Variants in SMIM36 observed in about 807,000 individuals in gnomAD.
The protein encoded by SMIM36 is small integral membrane protein 36.
chr17:55,467,309 G>A (rs9903218), exon 4 of SMIM36: 80,034 of 152,010 alleles, frequency 0.53, 23,342 homozygotes, highest in Non-Finnish European at 0.67. Flanking sequence ...ATTTCTATTG[G>A]GGCCAGTCAG....
intron 1 of SMIM36, among the ~76,000 whole-genome samples, chr17:55,489,482 C>T (rs1272672441): frequency 6.6e-6 from 1 of 152,212 alleles, no homozygotes. Flanking sequence ...GAAGCAGCCA[C>T]TTATAAAAGT....
rs182216712 is a variant in SMIM36, at chr17:55,508,316, T to G, written c.*174+2563A>C. Among the ~76,000 whole-genome samples the G allele has an allele frequency of 2.2e-4, 33 of 151,658 alleles. No homozygotes were observed. The East Asian group carries it at 5.2e-3, about 24-fold the overall frequency. Reference sequence around the variant, plus strand: ...GAGTGCAAAACGCAATAAAAAGGTGTCAGTATTTGTCCTGAAAACAAACAA... The same window carrying G: ...GAGTGCAAAACGCAATAAAAAGGTGGCAGTATTTGTCCTGAAAACAAACAA... On this transcript the variant is annotated intron_variant, in intron 1 of 4. Coordinates refer to ENST00000636752, the Ensembl canonical transcript of SMIM36.
chr17:55,490,640 T>G (rs1261828244), intron 1 of SMIM36, among the ~76,000 whole-genome samples: 2 of 152,172 alleles, frequency 1.3e-5, no homozygotes, highest in African/African-American at 4.8e-5. Context: ...ATTTGTTCTT[T>G]CCTACTTCAA....
At chr17:55,470,730 C>T (rs762117375) in intron 3 of SMIM36, among the ~76,000 whole-genome samples, 5 of 152,162 alleles carry the variant, frequency 3.3e-5, no homozygotes, top group South Asian at 2.1e-4. Context: ...TACCTTAATC[C>T]GCAAGTATGG....
At chr17:55,524,775 C>T in the SMIM36 span, among the ~76,000 whole-genome samples, 260 of 152,260 alleles carry the variant, frequency 1.7e-3, 1 homozygote, top group Admixed American at 3.1e-3. Flanking sequence ...AAAAAGTGCC[C>T]TATTACTAGT....
chr17:55,474,122 A>T (rs1310318371), intron 3 of SMIM36, among the ~76,000 whole-genome samples: 1 of 152,204 alleles, frequency 6.6e-6, no homozygotes, highest in Non-Finnish European at 1.5e-5. Flanking sequence ...TTGCTCACTC[A>T]GGGAGCTTGG....
chr17:55,459,941 T>C (rs1468654111), intron 4 of SMIM36, among the ~76,000 whole-genome samples: 1 of 152,068 alleles, frequency 6.6e-6, no homozygotes, highest in Non-Finnish European at 1.5e-5. Flanking sequence ...TGTAGTAAGC[T>C]ATGATAGCAC....
intron 1 of SMIM36, among the ~76,000 whole-genome samples, chr17:55,496,057 C>T (rs559021846): frequency 5.3e-5 from 8 of 152,288 alleles, no homozygotes; most frequent in South Asian, 4.1e-4. Flanking sequence ...TCTCCCTCCC[C>T]GAGTGGCAAA....
At chr17:55,488,161 C>T (rs1237527135) in intron 1 of SMIM36, among the ~76,000 whole-genome samples, 1 of 152,264 alleles carries the variant, frequency 6.6e-6, no homozygotes, top group African/African-American at 2.4e-5. Flanking sequence ...CAAAGTCAGT[C>T]TCCTGAGTCA....
chr17:55,517,236 G>A, the SMIM36 span, among the ~76,000 whole-genome samples: 1 of 152,182 alleles, frequency 6.6e-6, no homozygotes, highest in Admixed American at 6.5e-5. Flanking sequence ...CTAAGACTCT[G>A]AAATAGGATT....
chr17:55,512,504 T>A (rs138381123), upstream of SMIM36, among the ~76,000 whole-genome samples: 1,084 of 152,274 alleles, frequency 7.1e-3, 15 homozygotes, highest in African/African-American at 0.025. Context: ...ACAAGCAAAT[T>A]GAGAGGAAGA....
At chr17:55,486,612 G>A (rs8075367) in intron 1 of SMIM36, among the ~76,000 whole-genome samples, 34,195 of 152,052 alleles carry the variant, frequency 0.22, 4,305 homozygotes, top group Non-Finnish European at 0.28. Flanking sequence ...GCACTCAGGT[G>A]ATTTTGATGT....
At chr17:55,514,148 C>G (rs1239684519), upstream of SMIM36, among the ~76,000 whole-genome samples, 2 of 152,050 alleles carry the variant, frequency 1.3e-5, no homozygotes, top group Non-Finnish European at 2.9e-5. Context: ...GCTAACCTCA[C>G]CCATCTTTCC....
At chr17:55,529,173 CCTT>C in the SMIM36 span, among the ~76,000 whole-genome samples, 3 of 152,210 alleles carry the variant, frequency 2.0e-5, no homozygotes, top group Admixed American at 6.5e-5. Flanking sequence ...ACAGAACTAT[CCTT>C]CTCAGGTTTC....
chr17:55,526,593 T>C, the SMIM36 span, among the ~76,000 whole-genome samples: 52,292 of 152,096 alleles, frequency 0.34, 9,158 homozygotes, highest in East Asian at 0.52. Context: ...TAAGAGACCA[T>C]GACCATGTGT....
At chr17:55,471,025 A>G (rs1909333359) in intron 3 of SMIM36, among the ~76,000 whole-genome samples, 1 of 152,042 alleles carries the variant, frequency 6.6e-6, no homozygotes, top group African/African-American at 2.4e-5. Context: ...CTATAGTGCC[A>G]AATCCGTACA....
the SMIM36 span, among the ~76,000 whole-genome samples, chr17:55,527,359 T>C: frequency 1.3e-5 from 2 of 152,136 alleles, no homozygotes; most frequent in East Asian, 3.9e-4. Context: ...GTAGCAAGAA[T>C]TTTAAATTTA....
chr17:55,492,614 C>T (rs1909732980), intron 1 of SMIM36, among the ~76,000 whole-genome samples: 1 of 140,938 alleles, frequency 7.1e-6, no homozygotes, highest in Admixed American at 7.2e-5. Context: ...CAATTTCTAA[C>T]AAATACACCC....
At position 55,501,352 on chromosome 17, in the gene SMIM36, TTTATAATATATA is replaced by T. The variant is rs1909961165; in HGVS notation, c.*174+9515_*174+9526del. 3.4e-5 allele frequency among the ~76,000 whole-genome samples: 2 copies of T among 58,700 alleles called. 1 individual carries two copies. Among genetic ancestry groups the T allele is most frequent in the African/African-American group, 4.3e-4 (2 of 4,618 alleles). 38.5% of individuals were successfully genotyped at this position (58,700 alleles called of 152,430 possible). On this transcript the variant is annotated intron_variant, in intron 1 of 4. Coordinates refer to ENST00000636752, the Ensembl canonical transcript of SMIM36. ...ATATATAATATATTATATATTATAT[TTTATAATATATA>T]ATATATTATATATTATAGAATATAA...
Sources: allele counts gnomAD v4.1 joint callset (sites outside exome capture counted in the v4.1 genomes callset), GRCh38; gene constraint gnomAD v4.1.1; transcripts MANE v1.5; gene names NCBI Gene and HGNC (gene_info 2026-07-23, HGNC 2026-07-21).